The following ACOT8 variants were observed in gnomAD, a reference collection of about 807,000 sequenced individuals.
ACOT8 encodes acyl-coenzyme A thioesterase 8.
ACOT8 carries 31 observed loss-of-function variants against 38.4 expected under a neutral mutation model. The ratio of observed to expected loss-of-function variants is 0.81; its 90% confidence interval spans 0.61 to 1.09. ACOT8 has a LOEUF of 1.09. ACOT8 is among the 50% of genes least tolerant of loss of function. The probability of loss-of-function intolerance (pLI) is 0.00; values close to 1 mark genes in which losing one functional copy is unlikely to be tolerated. For synonymous variants in ACOT8, 158 were observed against 170.3 expected (o/e 0.93, Z 0.56); for missense variants, 373 against 421.8 (o/e 0.88, Z 1.01).
chr20:45,852,937 T>G (rs531443683), intron 2 of ACOT8, among the ~76,000 whole-genome samples: 1 of 152,120 alleles, frequency 6.6e-6, no homozygotes, highest in Non-Finnish European at 1.5e-5. Context: ...CCTGGCTAAT[T>G]TTTAGTATTT....
At chr20:45,844,224 T>C in intron 4 of ACOT8, 39 bp downstream of exon 4, 1 of 1,613,386 alleles carries the variant, frequency 6.2e-7, no homozygotes, top group African/African-American at 1.3e-5. Context: ...GGTAGACCCC[T>C]TGGAGAGTGG....
chr20:45,842,978 A>C, intron 5 of ACOT8: 1 of 1,026,638 alleles, frequency 9.7e-7, no homozygotes, highest in Non-Finnish European at 1.2e-6. Context: ...TCTCCCCTGC[A>C]AGGAAGGTCC....
intron 2 of ACOT8, chr20:45,853,450 A>G (rs1354256651): frequency 1.3e-5 from 2 of 154,340 alleles, no homozygotes; most frequent in East Asian, 1.9e-4. Context: ...AATTATTCCC[A>G]TAAGTTAATC....
At chr20:45,851,416 A>G (rs934797402) in intron 2 of ACOT8, among the ~76,000 whole-genome samples, 2 of 152,310 alleles carry the variant, frequency 1.3e-5, no homozygotes, top group African/African-American at 2.4e-5. Context: ...CAGGTAAGCT[A>G]AAGTGCAGAT....
At chr20:45,852,156 C>A (rs1209706143) in intron 2 of ACOT8, among the ~76,000 whole-genome samples, 1 of 151,844 alleles carries the variant, frequency 6.6e-6, no homozygotes, top group East Asian at 1.9e-4. Flanking sequence ...GCTAAGGTCA[C>A]CACGCCCAGC....
intron 3 of ACOT8, chr20:45,847,749 A>G (rs1984776229): frequency 6.6e-6 from 1 of 151,158 alleles, no homozygotes; most frequent in Non-Finnish European, 1.5e-5. Flanking sequence ...ACAAACATGT[A>G]TATATATAAA....
At chr20:45,853,759 G>C in intron 2 of ACOT8, 1 of 395,910 alleles carries the variant, frequency 2.5e-6, no homozygotes, top group South Asian at 2.2e-5. Context: ...CTTTATAGCA[G>C]TGACTGGGGG....
At chr20:45,843,445 G>A (rs1351937830) in intron 5 of ACOT8, 82 bp downstream of exon 5, 3 of 1,518,008 alleles carry the variant, frequency 2.0e-6, no homozygotes, top group Non-Finnish European at 2.7e-6. Context: ...CACACAGGAA[G>A]TCGGGAAATC....
At chr20:45,849,385 A>G (rs912161618) in intron 2 of ACOT8, among the ~76,000 whole-genome samples, 41 of 151,962 alleles carry the variant, frequency 2.7e-4, no homozygotes, top group African/African-American at 9.7e-4. Context: ...CTCAGGTTCA[A>G]GCGATTCCTG....
At position 45,844,432 on chromosome 20, in the gene ACOT8, G is replaced by A. The variant is rs760564964; in HGVS notation, c.489-12C>T. The A allele has an allele frequency of 3.1e-6, 5 of 1,613,614 alleles. No homozygotes were observed. The highest frequency in any genetic ancestry group is 1.1e-5 in the South Asian group (1 of 91,040). ...GGAGGTTAGGGTCCCTGAAAGTAAA[G>A]GGAAGAGGGTCGGGGTGAGACCCAG... is the stretch of plus-strand genomic sequence containing the variant. On this transcript the variant is annotated splice_polypyrimidine_tract_variant and intron_variant, in intron 3 of 5. Coordinates refer to ENST00000217455, the MANE Select transcript of ACOT8 (RefSeq NM_005469.4).
chr20:45,845,735 A>G (rs1335210076), intron 3 of ACOT8, among the ~76,000 whole-genome samples: 1 of 152,156 alleles, frequency 6.6e-6, no homozygotes, highest in South Asian at 2.1e-4. Context: ...TGCACAGCAC[A>G]CTATGGTAGC....
chr20:45,848,461 G>A lies in ACOT8; in HGVS notation c.477C>T (p.Asp159=), dbSNP rs1286185619. Residue 159 remains aspartate (D), a synonymous_variant, in exon 3 of 6, where the codon GAC becomes GAT. Transcript: ENST00000217455. ...TCCAGGTCTCTCACCTTAAATACTG[G>A]TCAATGAGGGTCTCACAGTCAAGCA... The part of the protein sequence containing the change: ...EELLDCETLI[D]QYLRDPNLQK... 1.2e-6 allele frequency: 2 copies of A among 1,604,936 alleles called. No individual in the cohort carries two copies. The highest frequency in any genetic ancestry group is 2.2e-5 in the South Asian group (2 of 90,014).
At position 45,855,303 on chromosome 20, in the gene ACOT8, A is replaced by AG; in HGVS notation, c.129-12dup. On this transcript the variant is annotated splice_polypyrimidine_tract_variant and intron_variant, in intron 1 of 5. Coordinates refer to ENST00000217455, the MANE Select transcript of ACOT8 (RefSeq NM_005469.4). ...CAGTAATGCCTTCCTCTGTAGGGAG[A>AG]GGGGGAAAGAGGGAAAGACTTGGGA... 1.2e-6 allele frequency: 2 copies of AG among 1,613,596 alleles called. No individual in the cohort carries two copies. Among genetic ancestry groups the AG allele is most frequent in the South Asian group, 2.2e-5 (2 of 91,076 alleles).
chr20:45,844,877 G>A (rs2145761116), intron 3 of ACOT8, among the ~76,000 whole-genome samples: 1 of 152,244 alleles, frequency 6.6e-6, no homozygotes, highest in South Asian at 2.1e-4. Flanking sequence ...TTAAAAATTG[G>A]AGAGACAGGA....
intron 1 of ACOT8, among the ~76,000 whole-genome samples, chr20:45,856,362 G>A (rs1297778453): frequency 6.6e-6 from 1 of 152,140 alleles, no homozygotes; most frequent in Non-Finnish European, 1.5e-5. Flanking sequence ...AAAGCCAGGA[G>A]AAGCCTTGGA....
At chr20:45,853,786 CA>C (rs1319666709) in intron 2 of ACOT8, 1 of 522,464 alleles carries the variant, frequency 1.9e-6, no homozygotes, top group Non-Finnish European at 3.1e-6. Flanking sequence ...AGAGGGGGGC[CA>C]ATCAATACTC....
At position 45,841,827 on chromosome 20, in the gene ACOT8, G is replaced by T; in HGVS notation, c.*11C>A. 1 of 1,593,990 alleles carries T rather than the reference G, an allele frequency of 6.3e-7. No individual in the cohort carries two copies. Among genetic ancestry groups the T allele is most frequent in the East Asian group, 2.2e-5 (1 of 44,590 alleles). ...GGTTCTTGAAGCCCCAGGCGAAGCT[G>T]GTACCTCTGGCTACAGCTTGCTCTC... On this transcript the variant is annotated 3_prime_UTR_variant, in exon 6 of 6. Transcript: ENST00000217455.
At chr20:45,843,958 C>T (rs899511914) in intron 4 of ACOT8, 37 of 863,312 alleles carry the variant, frequency 4.3e-5, no homozygotes, top group Non-Finnish European at 5.6e-5. Context: ...CTCTAGGCCC[C>T]AAAAGGGGTG....
Position 45,857,341 on chromosome 20 carries a change from C to T in ACOT8, c.-26G>A, listed in dbSNP as rs1985531440. Reference sequence around the variant, plus strand: ...CTAGTTCAATGCTGCAGGCCCTGCACACCCGCTCCGCGGAAGACGCGGAGA... The same window carrying T: ...CTAGTTCAATGCTGCAGGCCCTGCATACCCGCTCCGCGGAAGACGCGGAGA... On this transcript the variant is annotated 5_prime_UTR_variant, in exon 1 of 6. In the 5' UTR this introduces an upstream ATG that the reference lacks. Transcript: ENST00000217455. 2 of 1,577,798 alleles carry T rather than the reference C, an allele frequency of 1.3e-6. No individual in the cohort carries two copies. Among genetic ancestry groups the T allele is most frequent in the African/African-American group, 2.7e-5 (2 of 74,112 alleles).
Sources: gnomAD v4.1 joint callset for allele counts (sites outside exome capture counted in the v4.1 genomes callset) on GRCh38, gnomAD v4.1.1 for gene constraint, MANE v1.5 for transcripts, NCBI Gene and HGNC (gene_info 2026-07-23, HGNC 2026-07-21) for gene names.